NAA25: variants seen among roughly 807,000 people sequenced by gnomAD.
NAA25 encodes N-terminal acetyltransferase B complex subunit NAA25.
A neutral mutation model predicts 132.5 loss-of-function variants in NAA25; 30 were observed. The observed-to-expected ratio is 0.23, with a 90% confidence interval of 0.17 to 0.31. NAA25 has a LOEUF of 0.31. NAA25 is among the 10% of genes least tolerant of loss of function. The pLI, the probability that NAA25 is intolerant of heterozygous loss-of-function variation, is 1.00. For missense variants in NAA25, 771 were observed against 1,150.4 expected (o/e 0.67, Z 4.77); for synonymous variants, 359 against 401.9 (o/e 0.89, Z 1.28).
chr12:112,059,903 G>A (rs187570045), intron 13 of NAA25, among the ~76,000 whole-genome samples: 1 of 151,330 alleles, frequency 6.6e-6, no homozygotes, highest in Admixed American at 6.6e-5. Context: ...CGCCTCCCAA[G>A]CTCAAGCAAT....
rs540759659 is a variant in NAA25, at chr12:112,027,503, T to C, written c.*2028A>G. On this transcript the variant is annotated 3_prime_UTR_variant, in exon 24 of 24. Coordinates refer to ENST00000261745, the MANE Select transcript of NAA25 (RefSeq NM_024953.4). ...AAATCAGCAAATAACAAAGGAAGCA[T>C]AACCTCAACATAACATTATTTGTCA... is the stretch of plus-strand genomic sequence containing the variant. 4 of 152,688 alleles carry C rather than the reference T, an allele frequency of 2.6e-5. No homozygotes were observed. The highest frequency in any genetic ancestry group is 5.9e-5 in the Non-Finnish European group (4 of 68,022). 9.5% of individuals were successfully genotyped at this position (152,688 alleles called of 1,614,324 possible).
chr12:112,107,492 G>A (rs1393384183), intron 1 of NAA25, among the ~76,000 whole-genome samples: 4 of 151,442 alleles, frequency 2.6e-5, no homozygotes, highest in African/African-American at 9.7e-5. Flanking sequence ...AAAAGGCCAA[G>A]GCCAGTGACT....
chr12:112,035,726 C>T (rs540135097), intron 22 of NAA25, among the ~76,000 whole-genome samples: 1 of 150,282 alleles, frequency 6.7e-6, no homozygotes, highest in African/African-American at 2.5e-5. Flanking sequence ...GTCATCCAGC[C>T]TTGTACAGTG....
intron 13 of NAA25, among the ~76,000 whole-genome samples, chr12:112,058,397 A>G (rs2078577382): frequency 6.6e-6 from 1 of 152,254 alleles, no homozygotes; most frequent in African/African-American, 2.4e-5. Context: ...AAGAATCTGG[A>G]GATGTGGGCA....
intron 11 of NAA25, among the ~76,000 whole-genome samples, chr12:112,062,770 A>G (rs1441997110): frequency 1.3e-5 from 2 of 152,086 alleles, no homozygotes; most frequent in Non-Finnish European, 2.9e-5. Flanking sequence ...GAATATGTGA[A>G]GAGGCCGGGA....
At chr12:112,078,147 TA>T in intron 7 of NAA25, 40 bp downstream of exon 7, 1 of 1,378,826 alleles carries the variant, frequency 7.3e-7, no homozygotes, top group South Asian at 1.3e-5. Flanking sequence ...CATGTTTAAA[TA>T]GGAAAAAAAA....
chr12:112,081,011 T>C lies in NAA25; in HGVS notation c.477+49A>G, dbSNP rs771170274. ...GAAGACACACTGAGGACAATAACTA[T>C]ATAAAAAATAAAACCAAACCTCAAT... On this transcript the variant is annotated intron_variant, in intron 5 of 23. Coordinates refer to ENST00000261745, the MANE Select transcript of NAA25 (RefSeq NM_024953.4). 3.5e-6 allele frequency: 5 copies of C among 1,444,504 alleles called. No individual in the cohort carries two copies. The South Asian group carries it at 5.7e-5, about 17-fold the overall frequency. The allele number at this position is 1,444,504 out of a possible 1,614,324, so 89.5% of individuals were successfully genotyped here.
chr12:112,108,339 C>G (rs1237047079), intron 1 of NAA25, among the ~76,000 whole-genome samples: 1 of 152,256 alleles, frequency 6.6e-6, no homozygotes, highest in Non-Finnish European at 1.5e-5. Context: ...TTCCCTCAGG[C>G]AGGGCGTCCC....
intron 2 of NAA25, among the ~76,000 whole-genome samples, chr12:112,091,160 G>A (rs1418080562): frequency 2.6e-5 from 4 of 151,366 alleles, no homozygotes; most frequent in African/African-American, 9.7e-5. Flanking sequence ...TACTTGACAG[G>A]TTGAGATGGG....
intron 15 of NAA25, among the ~76,000 whole-genome samples, chr12:112,052,821 G>C (rs935195121): frequency 6.6e-5 from 10 of 152,218 alleles, no homozygotes; most frequent in Admixed American, 2.0e-4. Context: ...AACTTCAGGC[G>C]ATGAGGCTTA....
At chr12:112,092,687 T>C (rs549715014) in intron 2 of NAA25, among the ~76,000 whole-genome samples, 27 of 151,926 alleles carry the variant, frequency 1.8e-4, no homozygotes, top group Non-Finnish European at 3.1e-4. Context: ...CCCCCCTTTT[T>C]TTTTTTTTGA....
At chr12:112,066,143 TGAAGTA>T (rs1448677885) in intron 11 of NAA25, among the ~76,000 whole-genome samples, 1 of 152,098 alleles carries the variant, frequency 6.6e-6, no homozygotes, top group African/African-American at 2.4e-5. Context: ...AACACACCAA[TGAAGTA>T]GAGCTGTACA....
intron 17 of NAA25, 58 bp from the exon 18 acceptor site, chr12:112,043,926 CA>C (rs1379022825): frequency 2.2e-6 from 3 of 1,340,754 alleles, no homozygotes; most frequent in Non-Finnish European, 2.1e-6. Flanking sequence ...CCATTGCTTT[CA>C]ATTTTTTTTT....
intron 2 of NAA25, among the ~76,000 whole-genome samples, chr12:112,092,084 C>CA (rs1401832057): frequency 6.6e-6 from 1 of 151,294 alleles, no homozygotes; most frequent in Non-Finnish European, 1.5e-5. Context: ...ACTAAAAATA[C>CA]AAAAAAATTA....
At chr12:112,089,965 G>A (rs2079108197) in intron 3 of NAA25, among the ~76,000 whole-genome samples, 1 of 151,352 alleles carries the variant, frequency 6.6e-6, no homozygotes, top group African/African-American at 2.4e-5. Context: ...CCAAGTAGCT[G>A]GGATTACAGG....
At chr12:112,054,342 C>A in intron 14 of NAA25, 46 bp downstream of exon 14, 1 of 1,551,358 alleles carries the variant, frequency 6.4e-7, no homozygotes. Context: ...GTGTACCCCA[C>A]ACTGGTATAG....
Position 112,046,930 on chromosome 12 carries a change from A to C in NAA25, c.2006+735T>G, listed in dbSNP as rs544970011. On this transcript the variant is annotated intron_variant, in intron 17 of 23. Transcript: ENST00000261745. ...CAGAAGTTAAATCCTTTATGTTTCC[A>C]GATTTGGTATAATACTAGGAAAGGC... 7.2e-5 allele frequency among the ~76,000 whole-genome samples: 11 copies of C among 152,306 alleles called. No homozygotes were observed. The South Asian group carries it at 2.3e-3, about 32-fold the overall frequency.
rs1380984666 is a variant in NAA25 at position 112,061,126 on chromosome 12, TTCTAAG to T, written c.1357+49_1357+54del. On this transcript the variant is annotated intron_variant, in intron 12 of 23. Coordinates refer to ENST00000261745, the MANE Select transcript of NAA25 (RefSeq NM_024953.4). ...TGCTACAGGTGCTTAAAAAACTGCCTTCTAAGTCTTAGTGTAGATCAGGGAACTACT... is the reference window on the plus strand; with the variant it reads ...TGCTACAGGTGCTTAAAAAACTGCCTTCTTAGTGTAGATCAGGGAACTACT... 8.6e-6 allele frequency: 13 copies of T among 1,505,160 alleles called. No homozygotes were observed. The African/African-American group carries it at 1.8e-4, about 21-fold the overall frequency. The allele number at this position is 1,505,160 out of a possible 1,614,324, so 93.2% of individuals were successfully genotyped here.
At chr12:112,079,322 G>A (rs572880722) in intron 5 of NAA25, among the ~76,000 whole-genome samples, 1 of 152,290 alleles carries the variant, frequency 6.6e-6, no homozygotes, top group Non-Finnish European at 1.5e-5. Flanking sequence ...GGTGGCTCAT[G>A]ACTGTAAACT....
Sources: gnomAD v4.1 joint callset for allele counts (sites outside exome capture counted in the v4.1 genomes callset) on GRCh38, gnomAD v4.1.1 for gene constraint, MANE v1.5 for transcripts, NCBI Gene and HGNC (gene_info 2026-07-23, HGNC 2026-07-21) for gene names.